IQCB1: variants seen among roughly 807,000 people sequenced by gnomAD.
IQCB1 encodes IQ motif containing B1, also known as IQ calmodulin-binding motif-containing protein 1.
A neutral mutation model predicts 84.4 loss-of-function variants in IQCB1; 56 were observed. That is an observed-to-expected ratio of 0.66 (90% CI 0.54 to 0.83). IQCB1 has a LOEUF of 0.83. IQCB1 is among the 40% of genes least tolerant of loss of function. The pLI is 0.00. For synonymous variants in IQCB1, 210 were observed against 234.8 expected (o/e 0.89, Z 0.96); for missense variants, 629 against 682.1 (o/e 0.92, Z 0.87).
intron 14 of IQCB1, among the ~76,000 whole-genome samples, chr3:121,771,489 C>T (rs1362591449): frequency 6.6e-6 from 1 of 151,942 alleles, no homozygotes; most frequent in African/African-American, 2.4e-5. Flanking sequence ...CCACCATGCC[C>T]AGCTAATTTT....
Position 121,799,384 on chromosome 3 carries a change from C to CA in IQCB1, c.588-11dup. Reference sequence around the variant, plus strand: ...TCTGAGTAAATCACCACTAATAGAACAAAATAAAAAAAAAAGTACCATTAC... The same window carrying CA: ...TCTGAGTAAATCACCACTAATAGAACAAAAATAAAAAAAAAAGTACCATTAC... On this transcript the variant is annotated splice_polypyrimidine_tract_variant and intron_variant, in intron 7 of 14. Coordinates refer to ENST00000310864, the MANE Select transcript of IQCB1 (RefSeq NM_001023570.4). The CA allele has an allele frequency of 6.8e-7, 1 of 1,465,426 alleles. No individual in the cohort carries two copies. Among genetic ancestry groups the CA allele is most frequent in the Non-Finnish European group, 9.4e-7 (1 of 1,060,936 alleles). The allele number at this position is 1,465,426 out of a possible 1,614,324, so 90.8% of individuals were successfully genotyped here.
chr3:121,813,084 T>C (rs1329170928), intron 5 of IQCB1, among the ~76,000 whole-genome samples: 1 of 152,156 alleles, frequency 6.6e-6, no homozygotes, highest in Non-Finnish European at 1.5e-5. Context: ...GCAGAAACCC[T>C]ACAAGCCAAA....
intron 9 of IQCB1, among the ~76,000 whole-genome samples, chr3:121,796,620 A>C (rs1182077798): frequency 6.6e-6 from 1 of 152,172 alleles, no homozygotes; most frequent in Non-Finnish European, 1.5e-5. Flanking sequence ...CAAGAAGGGT[A>C]GCCATAGGTA....
intron 7 of IQCB1, among the ~76,000 whole-genome samples, chr3:121,804,048 C>G (rs1949515114): frequency 6.6e-6 from 1 of 151,288 alleles, no homozygotes; most frequent in Non-Finnish European, 1.5e-5. Context: ...ATTTTTATTG[C>G]CTTTGTTGGC....
chr3:121,783,876 T>C (rs1237971293), intron 12 of IQCB1, among the ~76,000 whole-genome samples: 2 of 152,216 alleles, frequency 1.3e-5, no homozygotes, highest in South Asian at 2.1e-4. Context: ...AATAATTTGG[T>C]TGGGTATAGA....
Position 121,790,170 on chromosome 3 carries a change from T to C in IQCB1, c.1032A>G (p.Glu344=). ...GCAATTGTAATTTGAGGTCCTCTTC[T>C]TCCTTCTGCCTATTTATCTCCAGCA... ...KMLLEINRQK[E]EEDLKLQLQL... Residue 344 remains glutamate (E), a synonymous_variant, in exon 11 of 15, where the codon GAA becomes GAG. Coordinates refer to ENST00000310864, the MANE Select transcript of IQCB1 (RefSeq NM_001023570.4). 1 of 1,613,686 alleles carries C rather than the reference T, an allele frequency of 6.2e-7. No homozygotes were observed. Among genetic ancestry groups the C allele is most frequent in the African/African-American group, 1.3e-5 (1 of 75,056 alleles).
intron 13 of IQCB1, 80 bp downstream of exon 13, chr3:121,781,663 A>ATAT (rs1553709034): frequency 8.6e-6 from 9 of 1,046,614 alleles, no homozygotes; most frequent in South Asian, 3.8e-5. Flanking sequence ...ACACACACAC[A>ATAT]ATATATGTGT....
intron 2 of IQCB1, among the ~76,000 whole-genome samples, chr3:121,830,064 T>C (rs930993144): frequency 6.6e-6 from 1 of 151,916 alleles, no homozygotes; most frequent in Non-Finnish European, 1.5e-5. Flanking sequence ...AAAAATCAGC[T>C]GGGCATGGTG....
chr3:121,799,133 A>G (rs751563028), intron 8 of IQCB1, 63 bp downstream of exon 8: 56 of 1,294,674 alleles, frequency 4.3e-5, no homozygotes, highest in Middle Eastern at 2.6e-4. Flanking sequence ...TTTGTTTTTC[A>G]TAAACCATCA....
At chr3:121,782,357 T>C (rs1382220041) in intron 12 of IQCB1, among the ~76,000 whole-genome samples, 4 of 152,232 alleles carry the variant, frequency 2.6e-5, no homozygotes, top group African/African-American at 4.8e-5. Context: ...TGGGACAAAT[T>C]TGCAATTATT....
intron 13 of IQCB1, among the ~76,000 whole-genome samples, chr3:121,780,876 G>GTA (rs1948448983): frequency 1.1e-5 from 1 of 94,698 alleles, no homozygotes; most frequent in Admixed American, 1.1e-4. Flanking sequence ...GTGTGTGTGT[G>GTA]TGTGTGTGAG....
At chr3:121,809,046 A>G (rs757979272) in intron 5 of IQCB1, 37 bp from the exon 6 acceptor site, 1 of 1,233,788 alleles carries the variant, frequency 8.1e-7, no homozygotes, top group Non-Finnish European at 1.2e-6. Context: ...ACTTTTCTAT[A>G]GTTTTTTTCC....
intron 10 of IQCB1, among the ~76,000 whole-genome samples, chr3:121,790,934 CACAA>C (rs1257292674): frequency 1.3e-5 from 2 of 151,916 alleles, no homozygotes; most frequent in African/African-American, 4.8e-5. Context: ...TTCATGTGAC[CACAA>C]ACATTTTATA....
At position 121,826,091 on chromosome 3, in the gene IQCB1, A is replaced by G; in HGVS notation, c.353T>C (p.Leu118Ser). ...AAAACATGTTTGTAATTGTCTCCCC[A>G]AAACTAGAAAATTTTCTGCAGCTGA... ...LPSAAENFLV[L>S]GRQLQTCFIN... Residue 118 changes from leucine to serine, a missense_variant, in exon 5 of 15, where the codon TTG (leucine) becomes TCG (serine). Coordinates refer to ENST00000310864, the MANE Select transcript of IQCB1 (RefSeq NM_001023570.4). 2 of 1,613,532 alleles carry G rather than the reference A, an allele frequency of 1.2e-6. No homozygotes were observed. The highest frequency in any genetic ancestry group is 1.7e-6 in the Non-Finnish European group (2 of 1,179,494).
At chr3:121,808,559 T>C (rs777001584) in intron 6 of IQCB1, among the ~76,000 whole-genome samples, 7 of 151,922 alleles carry the variant, frequency 4.6e-5, no homozygotes, top group African/African-American at 9.7e-5. Context: ...ACCCTGAACA[T>C]AGGGATTTCT....
At chr3:121,808,449 T>C (rs1949691822) in intron 6 of IQCB1, among the ~76,000 whole-genome samples, 3 of 151,968 alleles carry the variant, frequency 2.0e-5, no homozygotes, top group Admixed American at 1.3e-4. Flanking sequence ...TCTCTCAATG[T>C]AAACAGAAAT....
At chr3:121,818,803 GA>G (rs1404163811) in intron 5 of IQCB1, among the ~76,000 whole-genome samples, 6 of 152,140 alleles carry the variant, frequency 3.9e-5, no homozygotes, top group Non-Finnish European at 8.8e-5. Flanking sequence ...TGTAAATGAA[GA>G]AAAAGTTAAA....
intron 2 of IQCB1, among the ~76,000 whole-genome samples, chr3:121,830,689 G>T (rs911048663): frequency 4.6e-5 from 7 of 152,112 alleles, no homozygotes; most frequent in African/African-American, 1.4e-4. Context: ...TTATGTTAGG[G>T]TGCTTTAGGC....
intron 13 of IQCB1, among the ~76,000 whole-genome samples, chr3:121,777,862 ATTGT>A (rs1229672420): frequency 2.0e-5 from 3 of 148,866 alleles, no homozygotes; most frequent in Admixed American, 2.0e-4. Context: ...AGCATTTTTC[ATTGT>A]TTGTTGACCA....
Sources: allele counts gnomAD v4.1 joint callset (sites outside exome capture counted in the v4.1 genomes callset), GRCh38; gene constraint gnomAD v4.1.1; transcripts MANE v1.5; gene names NCBI Gene and HGNC (gene_info 2026-07-23, HGNC 2026-07-21).